The following RTL4 variants were observed in gnomAD, a reference collection of about 807,000 sequenced individuals.
RTL4 encodes retrotransposon Gag-like protein 4.
In RTL4, 4 loss-of-function variants were observed where a neutral mutation model predicts 5.3. The ratio of observed to expected loss-of-function variants is 0.75; its 90% CI spans 0.37 to 1.72. The LOEUF (loss-of-function observed/expected upper bound fraction) is 1.72, where lower values mean the gene tolerates loss of function less well. RTL4 is among the 40% of genes most tolerant of loss of function. The pLI, the probability that RTL4 is intolerant of heterozygous loss-of-function variation, is 0.04. For missense variants in RTL4, 260 were observed against 227.1 expected, an observed-to-expected ratio of 1.14 and a Z score of -0.93; for synonymous variants, 98 against 87.3, an observed-to-expected ratio of 1.12 and a Z score of -0.68.
chrX:112,120,346 A>G, the RTL4 span, among the ~76,000 whole-genome samples: 22 of 111,966 alleles, frequency 2.0e-4, no homozygotes, highest in Non-Finnish European at 4.1e-4. Context: ...GCGCTATCTC[A>G]GCTCACTGCA....
the RTL4 span, among the ~76,000 whole-genome samples, chrX:112,378,263 A>G: frequency 9.0e-6 from 1 of 111,373 alleles, no homozygotes; most frequent in African/African-American, 3.3e-5. Flanking sequence ...CTTGGTTCAT[A>G]GATGGGTTAA....
At chrX:112,427,929 C>T in the RTL4 span, among the ~76,000 whole-genome samples, 1 of 108,973 alleles carries the variant, frequency 9.2e-6, no homozygotes, top group Non-Finnish European at 1.9e-5. Flanking sequence ...CCCCTCCCAC[C>T]CTTCCCCTCT....
At chrX:112,113,603 G>T in the RTL4 span, among the ~76,000 whole-genome samples, 1 of 111,014 alleles carries the variant, frequency 9.0e-6, no homozygotes, top group Admixed American at 9.5e-5. Context: ...GGTGACATGA[G>T]CTGGCGCTTG....
At chrX:112,364,985 C>T in the RTL4 span, among the ~76,000 whole-genome samples, 1 of 111,484 alleles carries the variant, frequency 9.0e-6, no homozygotes, top group African/African-American at 3.3e-5. Context: ...AGCTTACAGT[C>T]TGGTGAAGAT....
chrX:112,140,662 TC>T, the RTL4 span, among the ~76,000 whole-genome samples: 1 of 111,116 alleles, frequency 9.0e-6, no homozygotes, highest in Non-Finnish European at 1.9e-5. Flanking sequence ...GAGGGCTCTG[TC>T]CTCATGAACT....
At chrX:112,426,625 T>TG in the RTL4 span, among the ~76,000 whole-genome samples, 4 of 111,755 alleles carry the variant, frequency 3.6e-5, no homozygotes, top group East Asian at 1.1e-3. Flanking sequence ...TATTTTATTT[T>TG]GGGGGTGCCA....
chrX:112,252,264 C>T, the RTL4 span, among the ~76,000 whole-genome samples: 1 of 112,189 alleles, frequency 8.9e-6, no homozygotes, highest in Non-Finnish European at 1.9e-5. Context: ...AGCTTTCTCC[C>T]AAGCTGTAAG....
At chrX:112,306,421 T>G in the RTL4 span, among the ~76,000 whole-genome samples, 2 of 111,294 alleles carry the variant, frequency 1.8e-5, no homozygotes, top group African/African-American at 3.3e-5. Flanking sequence ...CACTTAAGCG[T>G]CATGAAATCC....
the RTL4 span, among the ~76,000 whole-genome samples, chrX:112,399,547 A>G: frequency 1.8e-5 from 2 of 111,546 alleles, no homozygotes; most frequent in Non-Finnish European, 3.8e-5. Context: ...AATAATTTCC[A>G]ATTTGGTTTC....
At chrX:112,083,433 G>A in the RTL4 span, among the ~76,000 whole-genome samples, 2 of 112,543 alleles carry the variant, frequency 1.8e-5, no homozygotes, top group African/African-American at 6.5e-5. Flanking sequence ...CGGCTGGTAG[G>A]ACAGGGAGAC....
the RTL4 span, among the ~76,000 whole-genome samples, chrX:112,127,407 G>C: frequency 9.0e-6 from 1 of 111,245 alleles, no homozygotes; most frequent in South Asian, 3.8e-4. Context: ...TGCCCAGAAA[G>C]CTGGCAATAG....
the RTL4 span, among the ~76,000 whole-genome samples, chrX:112,282,862 A>G: frequency 8.9e-6 from 1 of 112,058 alleles, no homozygotes; most frequent in Non-Finnish European, 1.9e-5. Context: ...AAAAAGAGGA[A>G]TAAAGACTGC....
At chrX:112,146,718 A>C in the RTL4 span, among the ~76,000 whole-genome samples, 2 of 109,595 alleles carry the variant, frequency 1.8e-5, no homozygotes. Flanking sequence ...GGGGATGGTC[A>C]ATTGTGTCAG....
chrX:112,220,347 C>A, the RTL4 span, among the ~76,000 whole-genome samples: 2 of 112,461 alleles, frequency 1.8e-5, no homozygotes, highest in Non-Finnish European at 3.8e-5. Context: ...TATTAACTAC[C>A]CAAGTAAAAG....
chrX:112,384,979 T>G, the RTL4 span, among the ~76,000 whole-genome samples: 1 of 111,583 alleles, frequency 9.0e-6, no homozygotes, highest in Non-Finnish European at 1.9e-5. Context: ...CAATTGTGAA[T>G]GGGAGTTCAC....
At chrX:112,269,597 T>A in the RTL4 span, among the ~76,000 whole-genome samples, 4 of 112,205 alleles carry the variant, frequency 3.6e-5, no homozygotes, top group African/African-American at 1.3e-4. Flanking sequence ...GTTATGCCTG[T>A]TTTTCAGTTG....
chrX:112,180,484 A>G, the RTL4 span, among the ~76,000 whole-genome samples: 2 of 112,302 alleles, frequency 1.8e-5, no homozygotes, highest in Non-Finnish European at 3.8e-5. Context: ...ATTTTTTGAA[A>G]TAAGGCCACT....
chrX:112,391,909 CA>C, the RTL4 span, among the ~76,000 whole-genome samples: 4 of 109,645 alleles, frequency 3.6e-5, no homozygotes, highest in African/African-American at 1.3e-4. Flanking sequence ...CTGGGGGCTC[CA>C]CCCCCAGAGA....
chrX:112,265,750 C>T, the RTL4 span, among the ~76,000 whole-genome samples: 3 of 109,052 alleles, frequency 2.8e-5, no homozygotes, highest in Non-Finnish European at 5.7e-5. Context: ...TATCTTCTCT[C>T]CCCCTCCCTT....
Sources: gnomAD v4.1 joint callset for allele counts (sites outside exome capture counted in the v4.1 genomes callset) on GRCh38, gnomAD v4.1.1 for gene constraint, MANE v1.5 for transcripts, NCBI Gene and HGNC (gene_info 2026-07-23, HGNC 2026-07-21) for gene names.